The following SLIT2 variants were observed in gnomAD, a reference collection of about 807,000 sequenced individuals.
SLIT2 encodes slit guidance ligand 2, also known as slit homolog 2 protein.
SLIT2 carries 41 observed loss-of-function variants against 185.7 expected under a neutral mutation model. That is an observed-to-expected ratio of 0.22 (90% CI 0.17 to 0.29). SLIT2 has a LOEUF of 0.29. SLIT2 is among the 10% of genes least tolerant of loss of function. SLIT2 has a pLI of 1.00. For synonymous variants in SLIT2, 693 were observed against 680.2 expected (o/e 1.02, Z -0.29); for missense variants, 1,571 against 1,909.0 (o/e 0.82, Z 3.30).
intron 3 of SLIT2, among the ~76,000 whole-genome samples, chr4:20,266,893 A>G (rs1260691465): frequency 3.9e-5 from 6 of 152,030 alleles, no homozygotes; most frequent in Admixed American, 3.3e-4. Flanking sequence ...AAGGAGAAGC[A>G]CTTCATAAAG....
Position 20,358,584 on chromosome 4 carries a change from G to A in SLIT2, c.395+89703G>A, listed in dbSNP as rs1401608381. Among the ~76,000 whole-genome samples, 5 of 152,146 alleles carry A rather than the reference G, an allele frequency of 3.3e-5. No individual in the cohort carries two copies. In the Middle Eastern group the frequency reaches 0.01, roughly 311 times the overall value. ...CTCTGTGAGACAATCTGTCTCTAAGGTGCTTTACATATTTTATCTCACTTA... is the reference window on the plus strand; with the variant it reads ...CTCTGTGAGACAATCTGTCTCTAAGATGCTTTACATATTTTATCTCACTTA... On this transcript the variant is annotated intron_variant, in intron 4 of 36. Coordinates refer to ENST00000504154, the MANE Select transcript of SLIT2 (RefSeq NM_004787.4).
In SLIT2 at chr4:20,281,589, G is replaced by A. The variant is rs571095210; in HGVS notation, c.395+12708G>A. Reference sequence around the variant, plus strand: ...TGGGTTTTCTTTCCCTCTGTTGAAGGGGAATGAATTCCACACCTAATGAAT... The same window carrying A: ...TGGGTTTTCTTTCCCTCTGTTGAAGAGGAATGAATTCCACACCTAATGAAT... On this transcript the variant is annotated intron_variant, in intron 4 of 36. Transcript: ENST00000504154. Among the ~76,000 whole-genome samples the A allele has an allele frequency of 8.9e-4, 136 of 152,256 alleles. 3 individuals carry two copies. The South Asian group carries it at 0.026, about 29-fold the overall frequency.
chr4:20,425,554 A>G (rs1728496318), intron 4 of SLIT2, among the ~76,000 whole-genome samples: 2 of 152,166 alleles, frequency 1.3e-5, no homozygotes, highest in South Asian at 4.1e-4. Flanking sequence ...ATCCCGTTTA[A>G]AGAAATGTCA....
chr4:20,299,419 C>T (rs1449238964), intron 4 of SLIT2, among the ~76,000 whole-genome samples: 1 of 152,060 alleles, frequency 6.6e-6, no homozygotes, highest in Non-Finnish European at 1.5e-5. Context: ...CAAAGGAGGA[C>T]ATGTGTTTTG....
intron 9 of SLIT2, among the ~76,000 whole-genome samples, chr4:20,497,039 A>T (rs550454623): frequency 6.6e-6 from 1 of 151,014 alleles, no homozygotes; most frequent in East Asian, 2.0e-4. Context: ...ACTTACTTGG[A>T]TTTCCACTCT....
intron 4 of SLIT2, among the ~76,000 whole-genome samples, chr4:20,358,269 G>A (rs1239538696): frequency 6.6e-6 from 1 of 151,962 alleles, no homozygotes. Context: ...TAGAGTGATC[G>A]GACTGGTTTT....
At chr4:20,555,559 A>G (rs1392501129) in intron 26 of SLIT2, among the ~76,000 whole-genome samples, 1 of 152,108 alleles carries the variant, frequency 6.6e-6, no homozygotes, top group African/African-American at 2.4e-5. Flanking sequence ...TGCTGATTGT[A>G]TTGTTATAAC....
chr4:20,512,334 A>C (rs574613952), intron 11 of SLIT2, among the ~76,000 whole-genome samples: 1 of 152,200 alleles, frequency 6.6e-6, no homozygotes, highest in African/African-American at 2.4e-5. Context: ...ATCTGGGCAC[A>C]TGAGTGTTCC....
chr4:20,569,545 C>A (rs188853932), intron 29 of SLIT2, among the ~76,000 whole-genome samples: 120 of 152,120 alleles, frequency 7.9e-4, no homozygotes, highest in African/African-American at 2.8e-3. Flanking sequence ...GATGACACAT[C>A]TCATTAGAGT....
chr4:20,554,237 A>G (rs920730172), intron 26 of SLIT2: 4 of 538,122 alleles, frequency 7.4e-6, no homozygotes, highest in South Asian at 1.6e-5. Flanking sequence ...ATTTCTGGAA[A>G]TTCCTTTCAT....
intron 4 of SLIT2, among the ~76,000 whole-genome samples, chr4:20,339,801 G>A (rs1720812541): frequency 6.6e-6 from 1 of 151,938 alleles, no homozygotes; most frequent in Non-Finnish European, 1.5e-5. Context: ...TGAAAGAAAG[G>A]GAAAGCAGTG....
At chr4:20,362,050 C>T (rs903106998) in intron 4 of SLIT2, among the ~76,000 whole-genome samples, 1 of 152,114 alleles carries the variant, frequency 6.6e-6, no homozygotes, top group African/African-American at 2.4e-5. Flanking sequence ...AATATGGCTG[C>T]GTTCTCTTGG....
At chr4:20,519,249 G>T (rs1359447191) in intron 11 of SLIT2, 133 bp from the exon 12 acceptor site, 3 of 638,928 alleles carry the variant, frequency 4.7e-6, no homozygotes, top group African/African-American at 1.8e-5. Flanking sequence ...AATGGAGTTT[G>T]TTTACTCAGC....
intron 4 of SLIT2, among the ~76,000 whole-genome samples, chr4:20,277,143 G>C (rs551672400): frequency 3.3e-5 from 5 of 152,230 alleles, no homozygotes; most frequent in African/African-American, 9.6e-5. Context: ...AGGCTGTGCT[G>C]TCAGGAGATG....
intron 33 of SLIT2, among the ~76,000 whole-genome samples, chr4:20,602,474 A>T (rs1318891226): frequency 6.6e-6 from 1 of 152,218 alleles, no homozygotes; most frequent in African/African-American, 2.4e-5. Context: ...CTTCTTGTAG[A>T]CATGCCTGCT....
chr4:20,580,410 C>CGT lies in SLIT2; in HGVS notation c.3089-9209_3089-9208dup, dbSNP rs58904041. On this transcript the variant is annotated intron_variant, in intron 29 of 36. Transcript: ENST00000504154. ...AATGATAGTATATATATATATTATACGTGTGTGTGTGTGTGTGTGTGTGTG... is the reference window on the plus strand; with the variant it reads ...AATGATAGTATATATATATATTATACGTGTGTGTGTGTGTGTGTGTGTGTGTG... 7.1e-3 allele frequency among the ~76,000 whole-genome samples: 1,055 copies of CGT among 148,746 alleles called. 7 individuals are homozygous for CGT. The highest frequency in any genetic ancestry group is 0.024 in the Middle Eastern group (7 of 286).
At chr4:20,509,015 C>CGT (rs1560485601) in intron 9 of SLIT2, among the ~76,000 whole-genome samples, 5 of 150,744 alleles carry the variant, frequency 3.3e-5, no homozygotes, top group South Asian at 2.1e-4. Flanking sequence ...AAATGTTACG[C>CGT]GTGTGTGTGT....
chr4:20,316,900 A>T (rs1473626919), intron 4 of SLIT2, among the ~76,000 whole-genome samples: 1 of 151,474 alleles, frequency 6.6e-6, no homozygotes. Flanking sequence ...TGAACAAGGA[A>T]AGCAAATAAT....
intron 21 of SLIT2, among the ~76,000 whole-genome samples, chr4:20,544,904 T>C (rs1223498836): frequency 6.6e-6 from 1 of 151,750 alleles, no homozygotes; most frequent in East Asian, 1.9e-4. Flanking sequence ...AAAACTTAGG[T>C]AGAGGAAAGA....
Sources: allele counts gnomAD v4.1 joint callset (sites outside exome capture counted in the v4.1 genomes callset), GRCh38; gene constraint gnomAD v4.1.1; transcripts MANE v1.5; gene names NCBI Gene and HGNC (gene_info 2026-07-23, HGNC 2026-07-21).